Variants in CPNE8 observed in about 807,000 individuals in gnomAD.
CPNE8 encodes copine-8.
Under a neutral mutation model 81.5 loss-of-function variants are expected in CPNE8, and 45 were observed. That is an observed-to-expected ratio of 0.55 (90% CI 0.44 to 0.71). The LOEUF (loss-of-function observed/expected upper bound fraction) is 0.71. Among genes scored for constraint, CPNE8 ranks in the 30% least tolerant of loss-of-function variants. The pLI is 0.00. For synonymous variants in CPNE8, 252 were observed against 226.3 expected (o/e 1.11, Z -1.02); for missense variants, 594 against 672.1 (o/e 0.88, Z 1.28).
chr12:38,778,573 G>A (rs544226970), intron 6 of CPNE8, among the ~76,000 whole-genome samples: 25 of 152,150 alleles, frequency 1.6e-4, no homozygotes, highest in African/African-American at 5.8e-4. Context: ...CCCCAAATTG[G>A]ATATGGAACA....
rs1939273315 is a variant in CPNE8 at position 38,675,748 on chromosome 12, A to G, written c.1401T>C (p.Ile467=). 1.2e-6 allele frequency: 2 copies of G among 1,605,046 alleles called. No individual in the cohort carries two copies. Among genetic ancestry groups the G allele is most frequent in the Non-Finnish European group, 8.5e-7 (1 of 1,172,274 alleles). ...VNASKLPMSI[I]IVGVGPAEFD... is the part of the protein sequence containing the mutation. ...ATTCTGCTGGTCCAACACCTACTAT[A>G]ATTATTGACATTGGAAGTTTTGAGG... Residue 467 remains isoleucine, a synonymous_variant, in exon 18 of 20, where the codon ATT becomes ATC. Coordinates refer to ENST00000331366, the MANE Select transcript of CPNE8 (RefSeq NM_153634.3).
At chr12:38,759,318 A>G (rs1941527759) in intron 10 of CPNE8, among the ~76,000 whole-genome samples, 1 of 152,214 alleles carries the variant, frequency 6.6e-6, no homozygotes, top group African/African-American at 2.4e-5. Flanking sequence ...AATAGGGTAT[A>G]TAATACAGGG....
rs913488789 is a variant in CPNE8, at chr12:38,806,194, T to C, written c.407+23185A>G. Among the ~76,000 whole-genome samples, 8 of 150,448 alleles carry C rather than the reference T, an allele frequency of 5.3e-5. 1 individual carries two copies. The Middle Eastern group carries it at 0.01, about 192-fold the overall frequency. The stretch of plus-strand genomic sequence containing the variant: ...GAGGCATGAGGAGGAACTGGTAGCA[T>C]TCCTTCTGAAACTATTCCAATCAAT... On this transcript the variant is annotated intron_variant, in intron 6 of 19. Transcript: ENST00000331366.
intron 6 of CPNE8, among the ~76,000 whole-genome samples, chr12:38,776,766 T>C (rs1941947673): frequency 6.6e-6 from 1 of 152,138 alleles, no homozygotes; most frequent in South Asian, 2.1e-4. Flanking sequence ...AGATTGCATA[T>C]ACATTGGTGG....
intron 10 of CPNE8, among the ~76,000 whole-genome samples, chr12:38,752,997 A>G (rs1941383570): frequency 6.6e-6 from 1 of 152,230 alleles, no homozygotes; most frequent in South Asian, 2.1e-4. Flanking sequence ...AGGTACCTGC[A>G]AATTGTGAAA....
At chr12:38,825,436 A>ACC (rs1943173347) in intron 6 of CPNE8, among the ~76,000 whole-genome samples, 2 of 152,226 alleles carry the variant, frequency 1.3e-5, no homozygotes, top group Non-Finnish European at 2.9e-5. Context: ...TGTGGAATTT[A>ACC]GGACTCCATG....
At chr12:38,738,907 C>T (rs1941018837) in intron 10 of CPNE8, among the ~76,000 whole-genome samples, 1 of 151,126 alleles carries the variant, frequency 6.6e-6, no homozygotes, top group Non-Finnish European at 1.5e-5. Flanking sequence ...TCCAACTCTC[C>T]AACACAAGGG....
intron 1 of CPNE8, among the ~76,000 whole-genome samples, chr12:38,881,704 G>A (rs1407959247): frequency 6.6e-6 from 1 of 152,062 alleles, no homozygotes; most frequent in African/African-American, 2.4e-5. Context: ...TGATATCCTT[G>A]GAAACTACTT....
intron 16 of CPNE8, among the ~76,000 whole-genome samples, chr12:38,682,367 G>A (rs1347920096): frequency 6.6e-6 from 1 of 152,116 alleles, no homozygotes; most frequent in Non-Finnish European, 1.5e-5. Context: ...TGACCAGACT[G>A]GCCAACATGG....
At chr12:38,853,017 T>A (rs1397346014) in intron 3 of CPNE8, among the ~76,000 whole-genome samples, 1 of 152,222 alleles carries the variant, frequency 6.6e-6, no homozygotes, top group African/African-American at 2.4e-5. Flanking sequence ...AGTTTTCCTG[T>A]TTTTAGTTCA....
chr12:38,814,856 C>G (rs1942997893), intron 6 of CPNE8, among the ~76,000 whole-genome samples: 1 of 151,856 alleles, frequency 6.6e-6, no homozygotes, highest in Non-Finnish European at 1.5e-5. Flanking sequence ...TCTTAGAAAC[C>G]TCTGTAGGTT....
chr12:38,742,103 G>T (rs2136796977), intron 10 of CPNE8, among the ~76,000 whole-genome samples: 1 of 152,282 alleles, frequency 6.6e-6, no homozygotes, highest in Admixed American at 6.5e-5. Context: ...AACCATTGTG[G>T]AAATCAGTGT....
Position 38,795,787 on chromosome 12 carries a change from T to A in CPNE8, c.408-19486A>T, listed in dbSNP as rs140237583. Among the ~76,000 whole-genome samples the A allele has an allele frequency of 2.0e-5, 3 of 152,216 alleles. No homozygotes were observed. In the East Asian group the frequency reaches 5.8e-4, roughly 29 times the overall value. ...GTAAGATGAAAAAGTTCTAGAGATC[T>A]GTCTCATGGCAATGTGAATATATTT... On this transcript the variant is annotated intron_variant, in intron 6 of 19. Transcript: ENST00000331366.
chr12:38,764,616 C>CAAAAAAAAA (rs1247038606), intron 8 of CPNE8, among the ~76,000 whole-genome samples: 2 of 45,090 alleles, frequency 4.4e-5, no homozygotes, highest in Non-Finnish European at 8.8e-5. Context: ...GACTCCGTCT[C>CAAAAAAAAA]AAAAAAAAAA....
chr12:38,746,347 ACTT>A (rs1941227506), intron 10 of CPNE8, among the ~76,000 whole-genome samples: 1 of 152,144 alleles, frequency 6.6e-6, no homozygotes, highest in Admixed American at 6.5e-5. Context: ...TCAGGCTTTC[ACTT>A]CTTTTCTTTG....
At chr12:38,807,253 T>G (rs1183237682) in intron 6 of CPNE8, among the ~76,000 whole-genome samples, 9 of 148,040 alleles carry the variant, frequency 6.1e-5, no homozygotes, top group African/African-American at 4.9e-5. Context: ...AAAAACTACT[T>G]TAAAGTTCAT....
At chr12:38,771,252 G>C (rs1291312471) in intron 7 of CPNE8, among the ~76,000 whole-genome samples, 3 of 151,772 alleles carry the variant, frequency 2.0e-5, no homozygotes, top group Non-Finnish European at 4.4e-5. Flanking sequence ...CTTGAGTCTG[G>C]GAGTTCAAGA....
chr12:38,667,632 T>A (rs2136640658), intron 19 of CPNE8, among the ~76,000 whole-genome samples: 1 of 152,274 alleles, frequency 6.6e-6, no homozygotes, highest in East Asian at 1.9e-4. Context: ...CCTAGGGACA[T>A]TTTAATTTCT....
intron 2 of CPNE8, among the ~76,000 whole-genome samples, chr12:38,874,185 T>C (rs769068669): frequency 6.6e-5 from 10 of 152,218 alleles, no homozygotes; most frequent in Non-Finnish European, 1.2e-4. Flanking sequence ...ATTACAGTTT[T>C]CTTTCAAATA....
Sources: allele counts gnomAD v4.1 joint callset (sites outside exome capture counted in the v4.1 genomes callset), GRCh38; gene constraint gnomAD v4.1.1; transcripts MANE v1.5; gene names NCBI Gene and HGNC (gene_info 2026-07-23, HGNC 2026-07-21).